Variants in DISP1 observed in about 807,000 individuals in gnomAD.
DISP1 encodes protein dispatched homolog 1.
DISP1 carries 30 observed loss-of-function variants against 37.3 expected under a neutral mutation model. The ratio of observed to expected loss-of-function variants is 0.80; its 90% CI spans 0.60 to 1.09. The LOEUF is 1.09. Ranked by LOEUF, DISP1 falls within the 50% of genes least tolerant of loss-of-function variation. The probability of loss-of-function intolerance (pLI) is 0.00; values close to 1 mark genes in which losing one functional copy is unlikely to be tolerated. For synonymous variants in DISP1, 634 were observed against 690.2 expected, an observed-to-expected ratio of 0.92 and a Z score of 1.28; for missense variants, 1,598 against 1,879.5, an observed-to-expected ratio of 0.85 and a Z score of 2.77.
At chr1:222,924,387 AT>A (rs1196978509) in intron 1 of DISP1, among the ~76,000 whole-genome samples, 1 of 152,100 alleles carries the variant, frequency 6.6e-6, no homozygotes, top group Non-Finnish European at 1.5e-5. Context: ...TAGTGTTTGG[AT>A]TTTGTAGATA....
chr1:222,928,927 T>A (rs1285271131), intron 2 of DISP1, among the ~76,000 whole-genome samples: 1 of 152,174 alleles, frequency 6.6e-6, no homozygotes, highest in African/African-American at 2.4e-5. Flanking sequence ...AACAGAAAAT[T>A]TTCAAAATAT....
intron 3 of DISP1, among the ~76,000 whole-genome samples, chr1:222,957,157 A>G (rs1675664349): frequency 1.3e-5 from 2 of 151,490 alleles, no homozygotes; most frequent in South Asian, 4.1e-4. Flanking sequence ...AAAAAAAAAA[A>G]AAAAAAAAAA....
chr1:222,948,870 GT>G (rs1196510110), intron 3 of DISP1, among the ~76,000 whole-genome samples: 1 of 152,098 alleles, frequency 6.6e-6, no homozygotes, highest in East Asian at 1.9e-4. Context: ...GTTTTCTAAA[GT>G]TTTTATTTGT....
intron 1 of DISP1, among the ~76,000 whole-genome samples, chr1:222,820,296 A>G (rs1021436688): frequency 1.2e-4 from 18 of 152,224 alleles, no homozygotes; most frequent in African/African-American, 4.3e-4. Flanking sequence ...ATATCTAACT[A>G]CGTAACTACT....
intron 2 of DISP1, among the ~76,000 whole-genome samples, chr1:222,936,908 T>TATGTAATATATATTAC (rs1673918244): frequency 2.3e-5 from 2 of 85,380 alleles, no homozygotes; most frequent in Non-Finnish European, 4.3e-5. Flanking sequence ...TTATATATAA[T>TATGTAATATATATTAC]ATATTATATA....
At chr1:222,868,228 A>G (rs1206629312) in intron 1 of DISP1, among the ~76,000 whole-genome samples, 1 of 152,124 alleles carries the variant, frequency 6.6e-6, no homozygotes, top group African/African-American at 2.4e-5. Context: ...TTAAAAAAAA[A>G]AGACTCAAGT....
chr1:222,840,577 T>TC (rs1553315835), intron 1 of DISP1, among the ~76,000 whole-genome samples: 6 of 145,480 alleles, frequency 4.1e-5, no homozygotes, highest in African/African-American at 1.0e-4. Flanking sequence ...TTTTTTTTTT[T>TC]CCCTGAGACA....
intron 4 of DISP1, among the ~76,000 whole-genome samples, chr1:222,986,295 A>G (rs546549283): frequency 9.5e-6 from 1 of 104,986 alleles, no homozygotes; most frequent in African/African-American, 2.9e-5. Context: ...GAAAGGCAGC[A>G]AAGAGCAAGG....
chr1:222,864,985 C>G (rs1425861522), intron 1 of DISP1, among the ~76,000 whole-genome samples: 1 of 150,226 alleles, frequency 6.7e-6, no homozygotes, highest in Non-Finnish European at 1.5e-5. Flanking sequence ...CAATTTAGGA[C>G]AGCCATTAAT....
chr1:222,936,872 T>TATATGATATATAATTTATATATC (rs1673888465), intron 2 of DISP1, among the ~76,000 whole-genome samples: 1 of 61,444 alleles, frequency 1.6e-5, no homozygotes, highest in African/African-American at 6.1e-5. Flanking sequence ...TTATATATCA[T>TATATGATATATAATTTATATATC]ATATATGATA....
At chr1:222,936,919 TTATATAATATGTAA>T (rs1558340482) in intron 2 of DISP1, among the ~76,000 whole-genome samples, 3 of 97,770 alleles carry the variant, frequency 3.1e-5, no homozygotes, top group Middle Eastern at 4.5e-3. Context: ...ATATTATATA[TTATATAATATGTAA>T]TATATATTAT....
chr1:222,881,353 G>A (rs1416139389), intron 1 of DISP1, among the ~76,000 whole-genome samples: 3 of 151,968 alleles, frequency 2.0e-5, no homozygotes, highest in Non-Finnish European at 2.9e-5. Flanking sequence ...GCGCCACCAC[G>A]CCTGGCTAAT....
chr1:222,938,567 T>C (rs1674138501), intron 2 of DISP1, among the ~76,000 whole-genome samples: 1 of 151,018 alleles, frequency 6.6e-6, no homozygotes. Context: ...AACCCACCTC[T>C]ACAAAAAAAT....
At chr1:222,902,986 A>G (rs1671682964) in intron 1 of DISP1, among the ~76,000 whole-genome samples, 1 of 151,986 alleles carries the variant, frequency 6.6e-6, no homozygotes, top group Non-Finnish European at 1.5e-5. Flanking sequence ...ATGCTGCTAT[A>G]AAGACACACG....
chr1:222,957,904 C>A (rs1675737481), intron 3 of DISP1, among the ~76,000 whole-genome samples: 1 of 152,190 alleles, frequency 6.6e-6, no homozygotes, highest in African/African-American at 2.4e-5. Context: ...ACATGAAAAT[C>A]TGATTTGTTC....
chr1:222,815,544 G>GA (rs1660975499), intron 1 of DISP1, among the ~76,000 whole-genome samples: 1 of 152,168 alleles, frequency 6.6e-6, no homozygotes, highest in Admixed American at 6.5e-5. Context: ...TAACGAACCA[G>GA]AAAGATGACC....
At chr1:222,891,309 A>C (rs1442057230) in intron 1 of DISP1, among the ~76,000 whole-genome samples, 1 of 152,214 alleles carries the variant, frequency 6.6e-6, no homozygotes, top group Non-Finnish European at 1.5e-5. Context: ...GAAGGAAGGA[A>C]TAATCAAAGA....
intron 1 of DISP1, among the ~76,000 whole-genome samples, chr1:222,849,063 T>G (rs1191163923): frequency 6.6e-6 from 1 of 152,224 alleles, no homozygotes; most frequent in African/African-American, 2.4e-5. Context: ...CAAGAGTGAA[T>G]GTGTGTATAC....
chr1:222,906,989 T>C (rs1671936515), intron 1 of DISP1, among the ~76,000 whole-genome samples: 1 of 152,226 alleles, frequency 6.6e-6, no homozygotes, highest in Non-Finnish European at 1.5e-5. Flanking sequence ...CCTTGGTCTT[T>C]TTTCACACCA....
Sources: allele counts gnomAD v4.1 joint callset (sites outside exome capture counted in the v4.1 genomes callset), GRCh38; gene constraint gnomAD v4.1.1; transcripts MANE v1.5; gene names NCBI Gene and HGNC (gene_info 2026-07-23, HGNC 2026-07-21).